ANKRD29: variants seen among roughly 807,000 people sequenced by gnomAD.
ANKRD29 encodes ankyrin repeat domain-containing protein 29.
In ANKRD29, 32 loss-of-function variants were observed where a neutral mutation model predicts 38.0. The observed-to-expected ratio is 0.84, with a 90% confidence interval of 0.64 to 1.13. The LOEUF is 1.13. Among genes scored for constraint, ANKRD29 ranks in the 50% most tolerant of loss-of-function variants. The pLI is 0.00. For synonymous variants in ANKRD29, 135 were observed against 152.4 expected (o/e 0.89, Z 0.84); for missense variants, 357 against 377.9 (o/e 0.94, Z 0.46).
intron 5 of ANKRD29, among the ~76,000 whole-genome samples, chr18:23,633,171 A>G (rs1207500614): frequency 2.0e-5 from 3 of 152,210 alleles, no homozygotes; most frequent in Non-Finnish European, 4.4e-5. Flanking sequence ...GCGACAATCA[A>G]TTGAAAGGCC....
chr18:23,649,107 C>T lies in ANKRD29; in HGVS notation c.108G>A (p.Arg36=). 1 of 1,614,144 alleles carries T rather than the reference C, an allele frequency of 6.2e-7. No individual in the cohort carries two copies. Among genetic ancestry groups the T allele is most frequent in the Non-Finnish European group, 8.5e-7 (1 of 1,179,988 alleles). ...ALLKLLLNSG[R]VDVDCRDSHG... is the part of the protein sequence containing the mutation. ...CGCTGTCTCTGCAGTCCACGTCCAC[C>T]CGGCCGCTGTTCAACAGCAGCTTCA... Residue 36 remains arginine, a synonymous_variant, in exon 2 of 10, where the codon CGG becomes CGA. Transcript: ENST00000592179.
intron 3 of ANKRD29, among the ~76,000 whole-genome samples, chr18:23,645,522 C>T (rs983010937): frequency 1.3e-5 from 2 of 152,074 alleles, no homozygotes; most frequent in Non-Finnish European, 2.9e-5. Context: ...TTGCATGAGC[C>T]GAGGTTGCGC....
intron 1 of ANKRD29, among the ~76,000 whole-genome samples, chr18:23,660,602 T>A (rs1189061107): frequency 1.3e-5 from 2 of 152,170 alleles, no homozygotes; most frequent in Non-Finnish European, 2.9e-5. Flanking sequence ...GGTCAGGAGT[T>A]CGAGACCAGG....
At chr18:23,604,960 G>T (rs1281019621) in intron 9 of ANKRD29, among the ~76,000 whole-genome samples, 1 of 151,676 alleles carries the variant, frequency 6.6e-6, no homozygotes, top group Non-Finnish European at 1.5e-5. Flanking sequence ...TTATTCTGTC[G>T]CCCAGGCTGG....
intron 1 of ANKRD29, chr18:23,649,442 C>CACT (rs1280493577): frequency 2.9e-6 from 2 of 686,136 alleles, no homozygotes; most frequent in Non-Finnish European, 5.3e-6. Flanking sequence ...ACCTATTTCC[C>CACT]ACTAATGTTC....
chr18:23,654,851 T>G (rs553433101), intron 1 of ANKRD29, among the ~76,000 whole-genome samples: 42 of 152,042 alleles, frequency 2.8e-4, no homozygotes, highest in South Asian at 2.7e-3. Context: ...CAGAGGAAAA[T>G]TTATTTGTAC....
At chr18:23,605,209 C>A (rs2059560475) in intron 9 of ANKRD29, among the ~76,000 whole-genome samples, 1 of 152,122 alleles carries the variant, frequency 6.6e-6, no homozygotes, top group Non-Finnish European at 1.5e-5. Context: ...GTGTTAGCCA[C>A]CATGCCCGGC....
intron 5 of ANKRD29, among the ~76,000 whole-genome samples, chr18:23,631,615 A>G (rs1402498656): frequency 1.3e-5 from 2 of 152,194 alleles, no homozygotes; most frequent in Non-Finnish European, 2.9e-5. Context: ...GATGTTTTCA[A>G]TACAACTGCC....
Position 23,612,147 on chromosome 18 carries a change from A to G in ANKRD29, c.767T>C (p.Ile256Thr), listed in dbSNP as rs1468926714. The change falls in exon 9 of 10, where the codon ATT becomes ACT. Residue 256 changes from isoleucine (I) to threonine (T), a missense_variant. By Grantham distance (89) the Ile-to-Thr change is moderately conservative. Coordinates refer to ENST00000592179, the MANE Select transcript of ANKRD29 (RefSeq NM_173505.4). ...ALHAAVLSGN[I>T]KTVALLLEAG... ...TTCTAGGAGCAGCGCAACTGTTTTA[A>G]TGTTTCCACTGAGCACTGCTGCATG... is the stretch of plus-strand genomic sequence containing the variant. The G allele has an allele frequency of 6.2e-7, 1 of 1,614,032 alleles. No individual in the cohort carries two copies. The highest frequency in any genetic ancestry group is 1.1e-5 in the South Asian group (1 of 91,066).
chr18:23,646,032 G>A (rs1033496358), intron 3 of ANKRD29, among the ~76,000 whole-genome samples, 157 bp downstream of exon 3: 2 of 152,186 alleles, frequency 1.3e-5, no homozygotes, highest in Non-Finnish European at 2.9e-5. Flanking sequence ...CTGCTAGTAC[G>A]TTGCTGGACC....
intron 7 of ANKRD29, chr18:23,618,606 A>C (rs2059753462): frequency 1.3e-5 from 2 of 152,160 alleles, no homozygotes. Flanking sequence ...AAATCTGCTA[A>C]AAAGAATGAA....
intron 1 of ANKRD29, chr18:23,649,522 T>A: frequency 1.9e-6 from 1 of 540,152 alleles, no homozygotes; most frequent in South Asian, 1.5e-5. Context: ...TTTTCCTCCA[T>A]CCTTCAAGGC....
intron 7 of ANKRD29, 98 bp from the exon 8 acceptor site, chr18:23,617,925 T>G (rs2059745703): frequency 1.2e-6 from 1 of 862,752 alleles, no homozygotes; most frequent in African/African-American, 1.7e-5. Flanking sequence ...TGTCAGAAAC[T>G]AATGACGTGT....
rs893950668 is a variant in ANKRD29, at chr18:23,649,167, T to C, written c.48A>G (p.Ala16=). 6.2e-6 allele frequency: 10 copies of C among 1,614,010 alleles called. No homozygotes were observed. The highest frequency in any genetic ancestry group is 2.2e-5 in the East Asian group (1 of 44,886). The part of the protein sequence containing the change: ...FKKETPLANA[A]FWAARRGNLA... ...GGTTTCCTCTCCTGGCTGCCCAGAA[T>C]GCAGCATTGGCAAGTGGAGTTTCCT... The change falls in exon 2 of 10, where the codon GCA becomes GCG. Residue 16 remains alanine, a synonymous_variant. Transcript: ENST00000592179.
intron 9 of ANKRD29, among the ~76,000 whole-genome samples, chr18:23,603,569 G>T (rs1198816399): frequency 6.6e-6 from 1 of 152,198 alleles, no homozygotes; most frequent in Non-Finnish European, 1.5e-5. Context: ...GGAGGCGGAG[G>T]TTGCAGTGAG....
At chr18:23,638,343 A>G (rs2060030276) in intron 4 of ANKRD29, among the ~76,000 whole-genome samples, 1 of 152,208 alleles carries the variant, frequency 6.6e-6, no homozygotes, top group Admixed American at 6.5e-5. Flanking sequence ...TTTCCCAACT[A>G]TGTAAACTGT....
Position 23,600,746 on chromosome 18 carries a change from T to C in ANKRD29, c.*480A>G, listed in dbSNP as rs2059501117. The C allele has an allele frequency of 6.5e-6, 1 of 153,576 alleles. No individual in the cohort carries two copies. The highest frequency in any genetic ancestry group is 1.5e-5 in the Non-Finnish European group (1 of 68,638). 9.5% of individuals were successfully genotyped at this position (153,576 alleles called of 1,614,324 possible). ...TAGAGGAGAATGTTTTATACTGGAA[T>C]GACATACATATGTAGGTAAAATATG... On this transcript the variant is annotated 3_prime_UTR_variant, in exon 10 of 10. Coordinates refer to ENST00000592179, the MANE Select transcript of ANKRD29 (RefSeq NM_173505.4).
At chr18:23,603,245 C>G (rs2059534968) in intron 9 of ANKRD29, among the ~76,000 whole-genome samples, 1 of 152,252 alleles carries the variant, frequency 6.6e-6, no homozygotes, top group South Asian at 2.1e-4. Context: ...GGATCTTTTA[C>G]CTATGCATGG....
At chr18:23,658,322 C>G (rs1029448799) in intron 1 of ANKRD29, among the ~76,000 whole-genome samples, 39 of 152,108 alleles carry the variant, frequency 2.6e-4, no homozygotes, top group African/African-American at 8.9e-4. Flanking sequence ...GCAGGAGGAT[C>G]GCTTGAGCCC....
Sources: allele counts gnomAD v4.1 joint callset (sites outside exome capture counted in the v4.1 genomes callset), GRCh38; gene constraint gnomAD v4.1.1; transcripts MANE v1.5; gene names NCBI Gene and HGNC (gene_info 2026-07-23, HGNC 2026-07-21).